Variants in ZDHHC23 observed in about 807,000 individuals in gnomAD.
ZDHHC23 encodes the protein palmitoyltransferase ZDHHC23.
In ZDHHC23, 41 loss-of-function variants were observed where a neutral mutation model predicts 40.2. The observed-to-expected ratio is 1.02, with a 90% CI of 0.79 to 1.32. The LOEUF (loss-of-function observed/expected upper bound fraction) is 1.32. ZDHHC23 is among the 40% of genes most tolerant of loss of function. The pLI, the probability that ZDHHC23 is intolerant of heterozygous loss-of-function variation, is 0.00. For synonymous variants in ZDHHC23, 204 were observed against 210.2 expected, an observed-to-expected ratio of 0.97 and a Z score of 0.26; for missense variants, 471 against 541.5, an observed-to-expected ratio of 0.87 and a Z score of 1.29.
chr3:113,965,093 G>A (rs943469371), downstream of ZDHHC23: 3 of 946,052 alleles, frequency 3.2e-6, no homozygotes, highest in African/African-American at 5.0e-5. Flanking sequence ...GTGTGGGTGG[G>A]TGGAGATAAC....
Position 113,962,331 on chromosome 3 carries a change from T to C in ZDHHC23, c.*3701T>C, listed in dbSNP as rs936696074. 1.3e-5 allele frequency: 2 copies of C among 152,208 alleles called. No individual in the cohort carries two copies. Among genetic ancestry groups the C allele is most frequent in the African/African-American group, 4.8e-5 (2 of 41,450 alleles). 9.4% of individuals were successfully genotyped at this position (152,208 alleles called of 1,614,324 possible). Reference sequence around the variant, plus strand: ...CAAGCATCCACGCTTCAGCTGGCACTAAGTGTTTTCATTGTAGGATCAGCA... The same window carrying C: ...CAAGCATCCACGCTTCAGCTGGCACCAAGTGTTTTCATTGTAGGATCAGCA... On this transcript the variant is annotated 3_prime_UTR_variant, in exon 5 of 5. Transcript: ENST00000638807.
At chr3:113,965,177 T>C, downstream of ZDHHC23, 3 of 1,604,296 alleles carry the variant, frequency 1.9e-6, no homozygotes, top group African/African-American at 1.3e-5. Flanking sequence ...CAGACTTGTC[T>C]TACTCAAGGA....
chr3:113,973,545 C>T, the ZDHHC23 span, among the ~76,000 whole-genome samples: 1 of 150,610 alleles, frequency 6.6e-6, no homozygotes, highest in Admixed American at 6.6e-5. Context: ...CTTTCTCTAT[C>T]CTTCATATTT....
In ZDHHC23 at chr3:113,958,370, C is replaced by T. The variant is rs1463370384; in HGVS notation, c.1048C>T (p.Leu350=). The part of the protein sequence containing the change: ...PGVYANYSSA[L]SFTCVWYSVI... ...CCTTTTTCCCTCTCCTAGCTCGGCTCTGTCCTTCACCTGCGTGTGGTACTC... is the reference window on the plus strand; with the variant it reads ...CCTTTTTCCCTCTCCTAGCTCGGCTTTGTCCTTCACCTGCGTGTGGTACTC... The change falls in exon 5 of 5, where the codon CTG becomes TTG. Residue 350 remains leucine, a synonymous_variant. Coordinates refer to ENST00000638807, the MANE Select transcript of ZDHHC23 (RefSeq NM_001320466.2). The T allele has an allele frequency of 2.5e-6, 4 of 1,610,726 alleles. No homozygotes were observed. The highest frequency in any genetic ancestry group is 2.2e-5 in the East Asian group (1 of 44,794).
rs758776704 is a variant in ZDHHC23 at position 113,958,551 on chromosome 3, G to A, written c.1229G>A (p.Arg410Lys). 20 of 1,612,060 alleles carry A rather than the reference G, an allele frequency of 1.2e-5. No homozygotes were observed. The African/African-American group carries it at 2.3e-4, about 18-fold the overall frequency. The change falls in exon 5 of 5, where the codon AGG becomes AAG. Residue 410 changes from arginine (R) to lysine (K), a missense_variant. Transcript: ENST00000638807. ...ATCGTGGACACAGGCCAGTACAATA[G>A]GGGCTTCCTGCGGAACTGGCACCAG... Reference protein sequence around the residue: ...GLIVDTGQYNRGFLRNWHQFS... With the variant: ...GLIVDTGQYNKGFLRNWHQFS...
downstream of ZDHHC23, among the ~76,000 whole-genome samples, chr3:113,967,496 C>CT (rs1940327074): frequency 1.3e-5 from 2 of 152,060 alleles, no homozygotes; most frequent in African/African-American, 4.8e-5. Flanking sequence ...CTATAGCTAT[C>CT]TTTTTATAAT....
In ZDHHC23 at chr3:113,960,679, A is replaced by T; in HGVS notation, c.*2049A>T. ...GAGACCAAAATAATTTGGGAGAATTAGGAATGATGACAATTTTTTTTAACA... is the reference window on the plus strand; with the variant it reads ...GAGACCAAAATAATTTGGGAGAATTTGGAATGATGACAATTTTTTTTAACA... On this transcript the variant is annotated 3_prime_UTR_variant, in exon 5 of 5. Coordinates refer to ENST00000638807, the MANE Select transcript of ZDHHC23 (RefSeq NM_001320466.2). 6.2e-7 allele frequency: 1 copy of T among 1,607,086 alleles called. No individual in the cohort carries two copies. The highest frequency in any genetic ancestry group is 8.5e-7 in the Non-Finnish European group (1 of 1,177,534).
chr3:113,970,720 C>G, the ZDHHC23 span, among the ~76,000 whole-genome samples: 2 of 152,056 alleles, frequency 1.3e-5, no homozygotes, highest in African/African-American at 4.8e-5. Flanking sequence ...CCTCCCCGTC[C>G]CCCCACCCCA....
chr3:113,966,792 G>A (rs1010401154), downstream of ZDHHC23, among the ~76,000 whole-genome samples: 3 of 151,804 alleles, frequency 2.0e-5, no homozygotes, highest in Non-Finnish European at 4.4e-5. Context: ...TTTGTTGGTG[G>A]AGGTACTGCT....
At chr3:113,973,023 T>C in the ZDHHC23 span, among the ~76,000 whole-genome samples, 1 of 152,176 alleles carries the variant, frequency 6.6e-6, no homozygotes, top group African/African-American at 2.4e-5. Flanking sequence ...TCTATGTCTT[T>C]TAATTGGAGA....
chr3:113,955,996 C>T (rs919323130), intron 3 of ZDHHC23, among the ~76,000 whole-genome samples: 4 of 152,208 alleles, frequency 2.6e-5, no homozygotes, highest in Admixed American at 6.5e-5. Context: ...GTAATCCCAA[C>T]ACTTTGGGAG....
At position 113,960,919 on chromosome 3, in the gene ZDHHC23, A is replaced by G; in HGVS notation, c.*2289A>G. On this transcript the variant is annotated 3_prime_UTR_variant, in exon 5 of 5. Coordinates refer to ENST00000638807, the MANE Select transcript of ZDHHC23 (RefSeq NM_001320466.2). ...CTTCCCAGGCGTCTGTACCGAAAGG[A>G]GCAGCAAACAAGGGGCTAATCCATG... 1.2e-6 allele frequency: 1 copy of G among 833,936 alleles called. No homozygotes were observed. The highest frequency in any genetic ancestry group is 1.8e-5 in the African/African-American group (1 of 55,436). 51.7% of individuals were successfully genotyped at this position (833,936 alleles called of 1,614,324 possible).
chr3:113,954,400 C>A lies in ZDHHC23; in HGVS notation c.862C>A (p.His288Asn). The A allele has an allele frequency of 1.3e-6, 2 of 1,590,450 alleles. No individual in the cohort carries two copies. The highest frequency in any genetic ancestry group is 1.1e-5 in the South Asian group (1 of 88,558). Reference protein sequence around the residue: ...CGICVRRMDHHCVWINSCVGE... With the variant: ...CGICVRRMDHNCVWINSCVGE... ...CATCTGTGTGAGGAGAATGGATCAT[C>A]ATTGTGTCTGGTATGTTGGAAACAT... is the stretch of plus-strand genomic sequence containing the variant. Residue 288 changes from histidine to asparagine, a missense_variant, in exon 3 of 5, where the codon CAT becomes AAT. By Grantham distance (68) the His-to-Asn change is moderately conservative. Around this residue, in one of 3 missense-constraint regions of ZDHHC23, gnomAD observed 346 missense variants for 399.8 expected, o/e 0.87. Coordinates refer to ENST00000638807, the MANE Select transcript of ZDHHC23 (RefSeq NM_001320466.2).
intron 4 of ZDHHC23, 46 bp downstream of exon 4, chr3:113,956,552 G>A (rs959426399): frequency 7.1e-6 from 11 of 1,557,282 alleles, no homozygotes; most frequent in Non-Finnish European, 9.5e-6. Flanking sequence ...GGAAGTAATG[G>A]GTGTTGCCAT....
At chr3:113,976,084 C>T in the ZDHHC23 span, among the ~76,000 whole-genome samples, 5 of 144,146 alleles carry the variant, frequency 3.5e-5, no homozygotes, top group South Asian at 2.3e-4. Context: ...TGGTAAAAAA[C>T]GCTGTCTCTA....
intron 1 of ZDHHC23, 160 bp from the exon 2 acceptor site, chr3:113,948,526 G>A: frequency 2.7e-6 from 1 of 364,082 alleles, no homozygotes; most frequent in Non-Finnish European, 5.0e-6. Flanking sequence ...CATAGGAACG[G>A]CTGGTGCCCA....
Position 113,960,451 on chromosome 3 carries a change from A to G in ZDHHC23, c.*1821A>G. The G allele has an allele frequency of 7.3e-7, 1 of 1,361,352 alleles. No homozygotes were observed. Among genetic ancestry groups the G allele is most frequent in the South Asian group, 1.7e-5 (1 of 59,930 alleles). 84.3% of individuals were successfully genotyped at this position (1,361,352 alleles called of 1,614,324 possible). On this transcript the variant is annotated 3_prime_UTR_variant, in exon 5 of 5. Transcript: ENST00000638807. The stretch of plus-strand genomic sequence containing the variant: ...TCTTTCTATACAGGTTTTACATAAG[A>G]GAGACAGTAATAATGTCAAGGATAG...
At chr3:113,970,338 T>C (rs1172028545), downstream of ZDHHC23, among the ~76,000 whole-genome samples, 1 of 152,000 alleles carries the variant, frequency 6.6e-6, no homozygotes, top group African/African-American at 2.4e-5. Context: ...TTGGATACAT[T>C]TTTTTTAAAG....
downstream of ZDHHC23, among the ~76,000 whole-genome samples, chr3:113,966,654 A>G (rs761740916): frequency 6.6e-6 from 1 of 152,206 alleles, no homozygotes; most frequent in Non-Finnish European, 1.5e-5. Context: ...AGTTAAGCTT[A>G]TATTTTCACA....
Sources: allele counts gnomAD v4.1 joint callset (sites outside exome capture counted in the v4.1 genomes callset), GRCh38; gene constraint gnomAD v4.1.1; regional missense constraint gnomAD v4.1.1; transcripts MANE v1.5; gene names NCBI Gene and HGNC (gene_info 2026-07-23, HGNC 2026-07-21).